The following RNF144A variants were observed in gnomAD, a reference collection of about 807,000 sequenced individuals.
RNF144A encodes E3 ubiquitin-protein ligase RNF144A.
Under a neutral mutation model 38.7 loss-of-function variants are expected in RNF144A, and 11 were observed. The ratio of observed to expected loss-of-function variants is 0.28; its 90% CI spans 0.18 to 0.47. RNF144A has a LOEUF of 0.47. RNF144A is among the 20% of genes least tolerant of loss of function. The pLI is 0.99. For synonymous variants in RNF144A, 149 were observed against 143.9 expected, an observed-to-expected ratio of 1.04 and a Z score of -0.25; for missense variants, 316 against 377.2, an observed-to-expected ratio of 0.84 and a Z score of 1.34.
chr2:6,947,346 A>G (rs191265065), intron 2 of RNF144A, among the ~76,000 whole-genome samples: 325 of 152,242 alleles, frequency 2.1e-3, no homozygotes, highest in Non-Finnish European at 4.1e-3. Context: ...GCTATTTCAA[A>G]AATTAATACT....
intron 2 of RNF144A, among the ~76,000 whole-genome samples, chr2:6,979,268 G>A (rs1478233693): frequency 6.6e-6 from 1 of 152,182 alleles, no homozygotes; most frequent in Non-Finnish European, 1.5e-5. Context: ...TTCCTCACAG[G>A]GAGGGTGGGA....
intron 6 of RNF144A, among the ~76,000 whole-genome samples, chr2:7,050,194 C>T (rs981143118): frequency 1.1e-4 from 16 of 152,162 alleles, no homozygotes; most frequent in South Asian, 2.1e-4. Flanking sequence ...AATCCCCACA[C>T]GTCCAGGGTG....
intron 2 of RNF144A, among the ~76,000 whole-genome samples, chr2:6,963,261 G>A (rs1039088745): frequency 4.6e-5 from 7 of 152,196 alleles, no homozygotes; most frequent in African/African-American, 1.4e-4. Flanking sequence ...GGGTTGAAAT[G>A]TTTGTGTCCG....
intron 1 of RNF144A, among the ~76,000 whole-genome samples, chr2:6,930,990 T>A (rs187179889): frequency 6.6e-6 from 1 of 152,290 alleles, no homozygotes; most frequent in East Asian, 1.9e-4. Context: ...ACCCTCCTAT[T>A]ATTAATAAAC....
intron 2 of RNF144A, among the ~76,000 whole-genome samples, chr2:6,953,830 A>G (rs947539702): frequency 2.0e-5 from 3 of 152,274 alleles, no homozygotes; most frequent in African/African-American, 7.2e-5. Context: ...TTTTAAAGTC[A>G]TATATAATGA....
chr2:7,063,959 C>T (rs13399034), intron 6 of RNF144A, among the ~76,000 whole-genome samples: 21,342 of 152,062 alleles, frequency 0.14, 1,585 homozygotes, highest in African/African-American at 0.17. Flanking sequence ...AGTCCAAGAG[C>T]GTGGCACCAG....
intron 2 of RNF144A, among the ~76,000 whole-genome samples, chr2:6,981,788 G>C (rs1350191898): frequency 6.6e-6 from 1 of 152,156 alleles, no homozygotes; most frequent in African/African-American, 2.4e-5. Context: ...CTTCATAGCA[G>C]TATGCCACTC....
rs1389434428 is a variant in RNF144A at position 7,039,610 on chromosome 2, C to T, written c.748-19C>T. On this transcript the variant is annotated intron_variant, in intron 8 of 8. Coordinates refer to ENST00000320892, the MANE Select transcript of RNF144A (RefSeq NM_014746.6). ...AGACCAGCCCTCCTTACCTCTACCC[C>T]TTTGTTTCTTTCTTCCAGGTTGTGG... 1 of 1,613,556 alleles carries T rather than the reference C, an allele frequency of 6.2e-7. No individual in the cohort carries two copies. The highest frequency in any genetic ancestry group is 8.5e-7 in the Non-Finnish European group (1 of 1,179,714).
chr2:6,986,233 G>A (rs913170608), intron 2 of RNF144A, among the ~76,000 whole-genome samples: 15 of 151,976 alleles, frequency 9.9e-5, no homozygotes, highest in Non-Finnish European at 1.9e-4. Context: ...CATTCCCAAA[G>A]CTTGCAATAA....
rs1200901450 is a variant in RNF144A at position 6,944,790 on chromosome 2, C to T, written c.-12+3643C>T. ...GGACGCTGTGTTTGGGAATCTGTCT[C>T]AAACAAATTCCAAGAACTGTGAAAT... On this transcript the variant is annotated intron_variant, in intron 2 of 8. Coordinates refer to ENST00000320892, the MANE Select transcript of RNF144A (RefSeq NM_014746.6). This position sits in a 1 kb window ranked among gnomAD's most constrained non-coding sequence, Gnocchi z 4.7. Among the ~76,000 whole-genome samples the T allele has an allele frequency of 6.6e-6, 1 of 152,128 alleles. No individual in the cohort carries two copies. The highest frequency in any genetic ancestry group is 2.4e-5 in the African/African-American group (1 of 41,424).
At chr2:6,969,263 G>A (rs775966886) in intron 2 of RNF144A, among the ~76,000 whole-genome samples, 35 of 152,166 alleles carry the variant, frequency 2.3e-4, no homozygotes, top group Non-Finnish European at 4.0e-4. Context: ...TTATTTGGAG[G>A]GAGGGCCTTT....
chr2:7,023,043 C>T (rs954691424), intron 6 of RNF144A, among the ~76,000 whole-genome samples: 4 of 152,190 alleles, frequency 2.6e-5, no homozygotes, highest in African/African-American at 9.6e-5. Flanking sequence ...CCTCTGTAAT[C>T]CTCACAACCG....
At chr2:7,015,191 G>A (rs149077077) in intron 5 of RNF144A, among the ~76,000 whole-genome samples, 12 of 152,240 alleles carry the variant, frequency 7.9e-5, no homozygotes, top group African/African-American at 1.7e-4. Context: ...AGTAACCCCC[G>A]TCCTAACAAC....
intron 8 of RNF144A, among the ~76,000 whole-genome samples, chr2:7,032,960 G>A (rs529108357): frequency 3.3e-5 from 5 of 152,356 alleles, no homozygotes; most frequent in South Asian, 2.1e-4. Flanking sequence ...GTGCTGACTC[G>A]GGGGACCCGG....
At chr2:6,956,339 C>T (rs1171076470) in intron 2 of RNF144A, among the ~76,000 whole-genome samples, 1 of 152,094 alleles carries the variant, frequency 6.6e-6, no homozygotes, top group African/African-American at 2.4e-5. Flanking sequence ...ATGGCGTGTA[C>T]CTGAAATGGT....
intron 6 of RNF144A, among the ~76,000 whole-genome samples, chr2:7,056,946 T>G (rs1673764968): frequency 6.6e-6 from 1 of 152,200 alleles, no homozygotes; most frequent in African/African-American, 2.4e-5. Flanking sequence ...CTTGGGGCTC[T>G]TAGTTCTTTG....
chr2:6,979,461 G>A (rs944271846), intron 2 of RNF144A, among the ~76,000 whole-genome samples: 2 of 152,080 alleles, frequency 1.3e-5, no homozygotes, highest in Non-Finnish European at 2.9e-5. Context: ...CCAAAGACCT[G>A]TTTAATACCT....
the RNF144A span, among the ~76,000 whole-genome samples, chr2:7,075,861 G>T: frequency 6.6e-6 from 1 of 152,296 alleles, no homozygotes; most frequent in Non-Finnish European, 1.5e-5. Flanking sequence ...GGGGACATGT[G>T]AAACAGGTCA....
chr2:7,076,326 T>G, the RNF144A span, among the ~76,000 whole-genome samples: 2 of 152,238 alleles, frequency 1.3e-5, no homozygotes, highest in Admixed American at 6.5e-5. Flanking sequence ...AGCTTGGTTG[T>G]TTTCCCATTT....
Sources: allele counts gnomAD v4.1 joint callset (sites outside exome capture counted in the v4.1 genomes callset), GRCh38; gene constraint gnomAD v4.1.1; non-coding constraint Gnocchi (gnomAD v3.1); transcripts MANE v1.5; gene names NCBI Gene and HGNC (gene_info 2026-07-23, HGNC 2026-07-21).